The following NEGR1 variants were observed in gnomAD, a reference collection of about 807,000 sequenced individuals.
NEGR1 encodes neuronal growth regulator 1, also known as IgLON family member 4.
A neutral mutation model predicts 40.9 loss-of-function variants in NEGR1; 10 were observed. The ratio of observed to expected loss-of-function variants is 0.24; its 90% CI spans 0.15 to 0.42. The LOEUF (loss-of-function observed/expected upper bound fraction) is 0.42. Among genes scored for constraint, NEGR1 ranks in the 10% least tolerant of loss-of-function variants. The probability of loss-of-function intolerance (pLI) is 1.00; values close to 1 mark genes in which losing one functional copy is unlikely to be tolerated. For synonymous variants in NEGR1, 185 were observed against 166.8 expected (o/e 1.11, Z -0.84); for missense variants, 352 against 438.9 (o/e 0.80, Z 1.77).
intron 6 of NEGR1, among the ~76,000 whole-genome samples, chr1:71,457,893 G>A (rs938832163): frequency 1.3e-5 from 2 of 151,772 alleles, no homozygotes; most frequent in East Asian, 3.9e-4. Context: ...TAGTAGAGAC[G>A]GGGTTTCACT....
In NEGR1 at chr1:71,464,859, C is replaced by G. The variant is rs6691270; in HGVS notation, c.941-57289G>C. On this transcript the variant is annotated intron_variant, in intron 6 of 6. Coordinates refer to ENST00000357731, the MANE Select transcript of NEGR1 (RefSeq NM_173808.3). ...TACACAGTGGAGTCGAATATAATAA[C>G]AAACTGAAACCTTAATTAGTTGAAG... Among the ~76,000 whole-genome samples the G allele has an allele frequency of 2.1e-3, 323 of 152,214 alleles. 1 individual carries two copies. Among genetic ancestry groups the G allele is most frequent in the African/African-American group, 7.5e-3 (310 of 41,552 alleles).
chr1:71,976,595 C>A (rs1364589330), intron 1 of NEGR1, among the ~76,000 whole-genome samples: 1 of 152,040 alleles, frequency 6.6e-6, no homozygotes, highest in Non-Finnish European at 1.5e-5. Flanking sequence ...TAATAATTAT[C>A]TTTTTGTATT....
chr1:71,839,498 A>C (rs1659162199), intron 2 of NEGR1, among the ~76,000 whole-genome samples: 1 of 151,990 alleles, frequency 6.6e-6, no homozygotes, highest in Non-Finnish European at 1.5e-5. Context: ...GGCGTGAGTC[A>C]CCACTCCTGG....
chr1:71,832,007 C>T (rs1001261251), intron 2 of NEGR1, among the ~76,000 whole-genome samples: 2 of 151,700 alleles, frequency 1.3e-5, no homozygotes, highest in Non-Finnish European at 2.9e-5. Flanking sequence ...TTTAGGAACA[C>T]TGGACTGATG....
intron 1 of NEGR1, among the ~76,000 whole-genome samples, chr1:72,275,401 C>A (rs1469108910): frequency 6.6e-6 from 1 of 151,620 alleles, no homozygotes; most frequent in South Asian, 2.1e-4. Flanking sequence ...ACATAAAATA[C>A]CTGACAAAAT....
intron 2 of NEGR1, among the ~76,000 whole-genome samples, chr1:71,932,124 A>G (rs1216522245): frequency 6.6e-6 from 1 of 152,174 alleles, no homozygotes; most frequent in Non-Finnish European, 1.5e-5. Flanking sequence ...AAATATAAAG[A>G]GAAATGAAAT....
chr1:71,911,980 T>C (rs900376350), intron 2 of NEGR1, among the ~76,000 whole-genome samples: 5 of 152,174 alleles, frequency 3.3e-5, no homozygotes, highest in African/African-American at 1.2e-4. Flanking sequence ...AATATATTAA[T>C]GGGTATCAAG....
In NEGR1 at chr1:71,450,451, T is replaced by C. The variant is rs78499045; in HGVS notation, c.941-42881A>G. On this transcript the variant is annotated intron_variant, in intron 6 of 6. Coordinates refer to ENST00000357731, the MANE Select transcript of NEGR1 (RefSeq NM_173808.3). ...ATAAGACACATTTTTTAGAGGGACTTCTAATACATAATATTGAAAGAGATT... is the reference window on the plus strand; with the variant it reads ...ATAAGACACATTTTTTAGAGGGACTCCTAATACATAATATTGAAAGAGATT... Among the ~76,000 whole-genome samples the C allele has an allele frequency of 2.3e-3, 346 of 152,318 alleles. 3 individuals carry two copies. The highest frequency in any genetic ancestry group is 8.0e-3 in the African/African-American group (331 of 41,582).
intron 4 of NEGR1, among the ~76,000 whole-genome samples, chr1:71,669,961 T>C (rs190663294): frequency 6.6e-6 from 1 of 152,314 alleles, no homozygotes; most frequent in East Asian, 1.9e-4. Flanking sequence ...CTAGGTAGTA[T>C]TTTAATATTC....
chr1:71,899,002 A>ATATATATC, intron 2 of NEGR1, among the ~76,000 whole-genome samples: 1 of 110,206 alleles, frequency 9.1e-6, no homozygotes, highest in African/African-American at 3.1e-5. Context: ...ATATATATAT[A>ATATATATC]TATATATATA....
At chr1:72,042,106 T>G (rs1280129631) in intron 1 of NEGR1, among the ~76,000 whole-genome samples, 1 of 151,292 alleles carries the variant, frequency 6.6e-6, no homozygotes, top group Non-Finnish European at 1.5e-5. Flanking sequence ...TAAAAGAACC[T>G]TCAACATTAA....
chr1:72,120,600 G>A (rs1041277357), intron 1 of NEGR1, among the ~76,000 whole-genome samples: 3 of 151,506 alleles, frequency 2.0e-5, no homozygotes, highest in Non-Finnish European at 4.4e-5. Flanking sequence ...ATGCTGGTGC[G>A]CTGCACCCAC....
chr1:71,688,366 T>TATATAA (rs1557613796), intron 4 of NEGR1, among the ~76,000 whole-genome samples: 2 of 30,442 alleles, frequency 6.6e-5, no homozygotes, highest in African/African-American at 1.1e-4. Flanking sequence ...TATATATATA[T>TATATAA]GAGATATATA....
At chr1:71,661,586 C>T (rs766360334) in intron 4 of NEGR1, among the ~76,000 whole-genome samples, 1 of 152,140 alleles carries the variant, frequency 6.6e-6, no homozygotes, top group East Asian at 1.9e-4. Flanking sequence ...TGTCTCTAAT[C>T]CCTATGACAG....
At chr1:71,553,102 A>T (rs527957731) in intron 6 of NEGR1, among the ~76,000 whole-genome samples, 1 of 151,566 alleles carries the variant, frequency 6.6e-6, no homozygotes, top group Non-Finnish European at 1.5e-5. Context: ...TCCTTCTATT[A>T]TTAAAAATTC....
At chr1:71,597,963 AGT>A (rs1308567685) in intron 5 of NEGR1, among the ~76,000 whole-genome samples, 3 of 152,178 alleles carry the variant, frequency 2.0e-5, no homozygotes, top group Non-Finnish European at 4.4e-5. Flanking sequence ...TCGTGTTACG[AGT>A]GTGAAAAATC....
chr1:71,716,636 A>G (rs1654288147), intron 3 of NEGR1, among the ~76,000 whole-genome samples: 1 of 152,240 alleles, frequency 6.6e-6, no homozygotes, highest in African/African-American at 2.4e-5. Flanking sequence ...CTACAGAGCC[A>G]GAAAAGCAGT....
At chr1:72,190,444 G>A (rs1162446931) in intron 1 of NEGR1, among the ~76,000 whole-genome samples, 1 of 151,508 alleles carries the variant, frequency 6.6e-6, no homozygotes, top group East Asian at 1.9e-4. Context: ...AATTAGCGAT[G>A]AATTACATAG....
chr1:71,735,509 C>T (rs1655016935), intron 3 of NEGR1, among the ~76,000 whole-genome samples: 1 of 151,760 alleles, frequency 6.6e-6, no homozygotes, highest in South Asian at 2.1e-4. Flanking sequence ...TGGCAAATGA[C>T]ATGGAGTGAT....
Sources: allele counts gnomAD v4.1 joint callset (sites outside exome capture counted in the v4.1 genomes callset), GRCh38; gene constraint gnomAD v4.1.1; transcripts MANE v1.5; gene names NCBI Gene and HGNC (gene_info 2026-07-23, HGNC 2026-07-21).